The following PRDM5 variants were observed in gnomAD, a reference collection of about 807,000 sequenced individuals.
PRDM5 encodes the protein PR/SET domain 5.
A neutral mutation model predicts 81.2 loss-of-function variants in PRDM5; 56 were observed. The ratio of observed to expected loss-of-function variants is 0.69; its 90% CI spans 0.56 to 0.86. The LOEUF is 0.86. Among genes scored for constraint, PRDM5 ranks in the 40% least tolerant of loss-of-function variants. The pLI, the probability that PRDM5 is intolerant of heterozygous loss-of-function variation, is 0.00. For synonymous variants in PRDM5, 267 were observed against 256.4 expected (o/e 1.04, Z -0.39); for missense variants, 697 against 770.1 (o/e 0.91, Z 1.12).
At chr4:120,917,239 T>C (rs1724286590) in intron 1 of PRDM5, among the ~76,000 whole-genome samples, 1 of 152,190 alleles carries the variant, frequency 6.6e-6, no homozygotes, top group Non-Finnish European at 1.5e-5. Context: ...TTACTGTAGC[T>C]GCCTCTTCTG....
intron 14 of PRDM5, among the ~76,000 whole-genome samples, chr4:120,741,334 C>T (rs1460384743): frequency 6.6e-6 from 1 of 152,026 alleles, no homozygotes. Flanking sequence ...GAACCTTTTT[C>T]TTTTTCCTTC....
chr4:120,800,190 C>T (rs1205463681), intron 8 of PRDM5, among the ~76,000 whole-genome samples: 1 of 152,050 alleles, frequency 6.6e-6, no homozygotes, highest in Non-Finnish European at 1.5e-5. Flanking sequence ...TCAGAAGTTA[C>T]AGGATTCTGA....
intron 14 of PRDM5, among the ~76,000 whole-genome samples, chr4:120,725,603 A>G (rs925812971): frequency 6.6e-6 from 1 of 152,138 alleles, no homozygotes; most frequent in Non-Finnish European, 1.5e-5. Flanking sequence ...GTGATGAACC[A>G]TCCCTTTTTG....
At chr4:120,804,876 C>T (rs995128913) in intron 8 of PRDM5, among the ~76,000 whole-genome samples, 2 of 152,128 alleles carry the variant, frequency 1.3e-5, no homozygotes, top group Admixed American at 6.5e-5. Flanking sequence ...GAAACAGAGA[C>T]ACAAAAAACC....
rs565326298 is a variant in PRDM5, at chr4:120,734,167, C to T, written c.1623+20386G>A. ...ACGGCAGGCAGCACAGCCAGCCTGG[C>T]ACAGGGCACCCAGGCTAAGCCACCT... On this transcript the variant is annotated intron_variant, in intron 14 of 15. Coordinates refer to ENST00000264808, the MANE Select transcript of PRDM5 (RefSeq NM_018699.4). 3.3e-5 allele frequency among the ~76,000 whole-genome samples: 5 copies of T among 151,998 alleles called. No homozygotes were observed. In the East Asian group the frequency reaches 7.8e-4, roughly 24 times the overall value.
chr4:120,687,920 T>A (rs1047262553), downstream of PRDM5, among the ~76,000 whole-genome samples: 2 of 152,166 alleles, frequency 1.3e-5, no homozygotes, highest in African/African-American at 4.8e-5. Flanking sequence ...CTGTGAGCAA[T>A]ACATTTTCAT....
At chr4:120,912,295 C>T (rs1359667596) in intron 1 of PRDM5, among the ~76,000 whole-genome samples, 3 of 152,144 alleles carry the variant, frequency 2.0e-5, no homozygotes. Context: ...TTATATGCCC[C>T]CTACTGTTAT....
rs1229309471 is a variant in PRDM5 at position 120,819,169 on chromosome 4, C to A, written c.476-642G>T. Among the ~76,000 whole-genome samples, 8 of 152,292 alleles carry A rather than the reference C, an allele frequency of 5.3e-5. No homozygotes were observed. The East Asian group carries it at 1.3e-3, about 26-fold the overall frequency. The stretch of plus-strand genomic sequence containing the variant: ...AACTGTCATAATATTACTGGCAAGC[C>A]TGACTTGCCTTTAGTGCATACATAT... On this transcript the variant is annotated intron_variant, in intron 4 of 15. Transcript: ENST00000264808.
intron 3 of PRDM5, among the ~76,000 whole-genome samples, chr4:120,827,218 T>C (rs906023312): frequency 6.6e-6 from 1 of 152,198 alleles, no homozygotes; most frequent in Non-Finnish European, 1.5e-5. Flanking sequence ...GCTTAGATTG[T>C]ATCAGACTGG....
At chr4:120,784,954 T>G in intron 11 of PRDM5, 44 bp downstream of exon 11, 2,765 of 1,422,526 alleles carry the variant, frequency 1.9e-3, no homozygotes, top group Non-Finnish European at 2.5e-3. Context: ...AAACAAAGTA[T>G]GAGATAATTC....
chr4:120,885,158 T>TAAAAAAAAAAA (rs1444607309), intron 2 of PRDM5, among the ~76,000 whole-genome samples: 3 of 117,046 alleles, frequency 2.6e-5, no homozygotes, highest in Admixed American at 8.8e-5. Flanking sequence ...AAAAAAAAAG[T>TAAAAAAAAAAA]AAAAAAGAAA....
chr4:120,754,447 ACTTC>A, intron 14 of PRDM5, 102 bp downstream of exon 14: 1 of 713,656 alleles, frequency 1.4e-6, no homozygotes, highest in Admixed American at 2.5e-5. Flanking sequence ...TAGATATACA[ACTTC>A]CAGTGTATTG....
rs560606531 is a variant in PRDM5, at chr4:120,808,185, CTCTTA to C, written c.945+3180_945+3184del. Among the ~76,000 whole-genome samples the C allele has an allele frequency of 2.8e-3, 424 of 152,260 alleles. 2 individuals carry two copies. Among genetic ancestry groups the C allele is most frequent in the African/African-American group, 9.7e-3 (405 of 41,558 alleles). On this transcript the variant is annotated intron_variant, in intron 8 of 15. Coordinates refer to ENST00000264808, the MANE Select transcript of PRDM5 (RefSeq NM_018699.4). ...CTGGCTGGGGCAGCCTGCTTTTATTCTCTTATCTGGCCCTACCCACATCCTGCTGA... is the reference window on the plus strand; with the variant it reads ...CTGGCTGGGGCAGCCTGCTTTTATTCTCTGGCCCTACCCACATCCTGCTGA...
At chr4:120,809,488 CTAAA>C (rs1268897626) in intron 8 of PRDM5, among the ~76,000 whole-genome samples, 2 of 151,820 alleles carry the variant, frequency 1.3e-5, no homozygotes, top group East Asian at 1.9e-4. Context: ...ATGCCAAATG[CTAAA>C]TAAAGTATAT....
chr4:120,874,868 C>G (rs1020162758), intron 2 of PRDM5, among the ~76,000 whole-genome samples: 3 of 152,174 alleles, frequency 2.0e-5, no homozygotes, highest in African/African-American at 7.2e-5. Flanking sequence ...ATATGTGTGT[C>G]CTATGGCCTG....
intron 3 of PRDM5, among the ~76,000 whole-genome samples, chr4:120,845,650 G>A (rs1213192794): frequency 6.6e-6 from 1 of 152,202 alleles, no homozygotes; most frequent in African/African-American, 2.4e-5. Flanking sequence ...GAAGATGAAT[G>A]TTTTAATTCC....
chr4:120,871,776 A>C (rs1275273177), intron 2 of PRDM5, among the ~76,000 whole-genome samples: 1 of 152,106 alleles, frequency 6.6e-6, no homozygotes, highest in Non-Finnish European at 1.5e-5. Context: ...CAAAAAAAAA[A>C]AAAAGAAAGA....
At chr4:120,720,204 C>T (rs1391464462) in intron 14 of PRDM5, among the ~76,000 whole-genome samples, 1 of 152,126 alleles carries the variant, frequency 6.6e-6, no homozygotes, top group African/African-American at 2.4e-5. Flanking sequence ...ATGGCAATCC[C>T]ACAACAGATC....
intron 3 of PRDM5, among the ~76,000 whole-genome samples, chr4:120,846,516 AT>A (rs1253976324): frequency 2.0e-5 from 3 of 152,176 alleles, no homozygotes; most frequent in Non-Finnish European, 4.4e-5. Context: ...AGATATGTGT[AT>A]TTTTTAGACA....
Sources: allele counts gnomAD v4.1 joint callset (sites outside exome capture counted in the v4.1 genomes callset), GRCh38; gene constraint gnomAD v4.1.1; transcripts MANE v1.5; gene names NCBI Gene and HGNC (gene_info 2026-07-23, HGNC 2026-07-21).